The following NKAIN2 variants were observed in gnomAD, a reference collection of about 807,000 sequenced individuals.
NKAIN2 encodes sodium/potassium-transporting ATPase subunit beta-1-interacting protein 2.
NKAIN2 carries 14 observed loss-of-function variants against 32.6 expected under a neutral mutation model. The observed-to-expected ratio is 0.43, with a 90% CI of 0.28 to 0.67. The LOEUF (loss-of-function observed/expected upper bound fraction) is 0.67. NKAIN2 is among the 30% of genes least tolerant of loss of function. The probability of loss-of-function intolerance (pLI) is 0.17; values close to 1 mark genes in which losing one functional copy is unlikely to be tolerated. For synonymous variants in NKAIN2, 80 were observed against 87.2 expected (o/e 0.92, Z 0.46); for missense variants, 198 against 258.3 (o/e 0.77, Z 1.60).
intron 5 of NKAIN2, among the ~76,000 whole-genome samples, chr6:124,800,526 C>A (rs1488905228): frequency 6.6e-6 from 1 of 152,072 alleles, no homozygotes; most frequent in Non-Finnish European, 1.5e-5. Flanking sequence ...ACAGGAGGTG[C>A]GGTTTGTTTA....
chr6:124,676,789 T>C (rs1773378175), intron 4 of NKAIN2, among the ~76,000 whole-genome samples: 1 of 152,138 alleles, frequency 6.6e-6, no homozygotes, highest in East Asian at 1.9e-4. Context: ...ATTTAAAGTC[T>C]ATTTTGTATT....
chr6:124,642,922 T>C (rs1013049616), intron 3 of NKAIN2, among the ~76,000 whole-genome samples: 2 of 152,120 alleles, frequency 1.3e-5, no homozygotes, highest in Non-Finnish European at 1.5e-5. Context: ...CTCCTGGTCA[T>C]AGTTTCTGCT....
At chr6:123,893,523 A>T (rs1443007622) in intron 1 of NKAIN2, among the ~76,000 whole-genome samples, 1 of 152,212 alleles carries the variant, frequency 6.6e-6, no homozygotes. Flanking sequence ...AGAATCTTAA[A>T]GCTCTAAAAG....
At chr6:124,006,177 G>A (rs1780066918) in intron 1 of NKAIN2, among the ~76,000 whole-genome samples, 1 of 152,182 alleles carries the variant, frequency 6.6e-6, no homozygotes, top group African/African-American at 2.4e-5. Flanking sequence ...GAAATGAGAT[G>A]CACTTTCTAT....
chr6:124,150,192 A>G (rs2008708), intron 1 of NKAIN2, among the ~76,000 whole-genome samples: 123,825 of 151,926 alleles, frequency 0.82, 51,163 homozygotes, highest in Non-Finnish European at 0.88. Context: ...CCACTGTGAC[A>G]GATCCCCCAC....
chr6:124,807,049 A>T (rs1780602574), intron 5 of NKAIN2, among the ~76,000 whole-genome samples: 3 of 152,092 alleles, frequency 2.0e-5, no homozygotes, highest in African/African-American at 7.2e-5. Flanking sequence ...GGGAGACTTT[A>T]ACACCCCACT....
chr6:123,892,778 C>A (rs761608215), intron 1 of NKAIN2, among the ~76,000 whole-genome samples: 1 of 151,620 alleles, frequency 6.6e-6, no homozygotes, highest in Non-Finnish European at 1.5e-5. Context: ...TACAGACTAG[C>A]ATGTACAGAT....
intron 4 of NKAIN2, among the ~76,000 whole-genome samples, chr6:124,767,838 G>T (rs1461978106): frequency 6.6e-6 from 1 of 151,786 alleles, no homozygotes; most frequent in Non-Finnish European, 1.5e-5. Flanking sequence ...TTTTATTTTC[G>T]TCTGGTGCCT....
At chr6:124,409,192 T>C (rs1182145270) in intron 3 of NKAIN2, among the ~76,000 whole-genome samples, 1 of 152,164 alleles carries the variant, frequency 6.6e-6, no homozygotes, top group African/African-American at 2.4e-5. Context: ...TATTTCCTTC[T>C]CCTGCCTGAT....
rs901212600 is a variant in NKAIN2 at position 124,387,829 on chromosome 6, C to T, written c.273+32482C>T. 2.0e-5 allele frequency among the ~76,000 whole-genome samples: 3 copies of T among 151,968 alleles called. No homozygotes were observed. In the South Asian group the frequency reaches 6.2e-4, roughly 32 times the overall value. ...TCTGTACTCCAGGCCCAGTCTGAGA[C>T]CTAATTGGTAGTCAAGAAATACTAG... On this transcript the variant is annotated intron_variant, in intron 3 of 6. Transcript: ENST00000368417.
chr6:124,303,466 A>G (rs1030198851), intron 2 of NKAIN2, among the ~76,000 whole-genome samples: 1 of 152,226 alleles, frequency 6.6e-6, no homozygotes, highest in African/African-American at 2.4e-5. Context: ...ACAAGTAAAC[A>G]GAACCCTTGA....
chr6:124,067,966 C>A (rs1194359067), intron 1 of NKAIN2, among the ~76,000 whole-genome samples: 2 of 152,154 alleles, frequency 1.3e-5, no homozygotes, highest in African/African-American at 4.8e-5. Context: ...AGTGTATACC[C>A]AGCACTGTTC....
At chr6:124,427,708 T>C (rs1159174317) in intron 3 of NKAIN2, among the ~76,000 whole-genome samples, 1 of 152,142 alleles carries the variant, frequency 6.6e-6, no homozygotes, top group Non-Finnish European at 1.5e-5. Context: ...AAATACGATC[T>C]AAGAATTAGT....
chr6:124,445,809 C>G (rs918381730), intron 3 of NKAIN2, among the ~76,000 whole-genome samples: 2 of 151,946 alleles, frequency 1.3e-5, no homozygotes, highest in Non-Finnish European at 1.5e-5. Flanking sequence ...ACACTGCTGC[C>G]CAGGCTTGGC....
chr6:124,719,499 A>G (rs1157237596), intron 4 of NKAIN2, among the ~76,000 whole-genome samples: 1 of 152,224 alleles, frequency 6.6e-6, no homozygotes, highest in African/African-American at 2.4e-5. Flanking sequence ...AACATTCTGT[A>G]GACAAATATC....
chr6:124,725,948 AC>A (rs1182104265), intron 4 of NKAIN2, among the ~76,000 whole-genome samples: 1 of 152,238 alleles, frequency 6.6e-6, no homozygotes, highest in African/African-American at 2.4e-5. Context: ...GGGGTGACGG[AC>A]GGCACCTTGA....
intron 4 of NKAIN2, among the ~76,000 whole-genome samples, chr6:124,774,142 T>C (rs1363775797): frequency 6.6e-6 from 1 of 152,118 alleles, no homozygotes; most frequent in African/African-American, 2.4e-5. Flanking sequence ...GTGCTACAAG[T>C]AGACTATGAG....
intron 3 of NKAIN2, among the ~76,000 whole-genome samples, chr6:124,582,555 T>C (rs1182875340): frequency 6.6e-6 from 1 of 152,058 alleles, no homozygotes; most frequent in Non-Finnish European, 1.5e-5. Context: ...ATATCAATGC[T>C]ACTCAAAGTA....
At chr6:124,219,521 C>T (rs929508571) in intron 1 of NKAIN2, among the ~76,000 whole-genome samples, 7 of 151,786 alleles carry the variant, frequency 4.6e-5, no homozygotes, top group South Asian at 2.1e-4. Flanking sequence ...CAAATGATGC[C>T]GCTGCCTAAG....
Sources: allele counts gnomAD v4.1 joint callset (sites outside exome capture counted in the v4.1 genomes callset), GRCh38; gene constraint gnomAD v4.1.1; transcripts MANE v1.5; gene names NCBI Gene and HGNC (gene_info 2026-07-23, HGNC 2026-07-21).